DDX27: variants seen among roughly 807,000 people sequenced by gnomAD.
The protein encoded by DDX27 is probable ATP-dependent RNA helicase DDX27.
In DDX27, 42 loss-of-function variants were observed where a neutral mutation model predicts 99.3. That is an observed-to-expected ratio of 0.42 (90% confidence interval 0.33 to 0.55). DDX27 has a LOEUF of 0.55. Ranked by LOEUF, DDX27 falls within the 20% of genes least tolerant of loss-of-function variation. The pLI, the probability that DDX27 is intolerant of heterozygous loss-of-function variation, is 0.07. For synonymous variants in DDX27, 329 were observed against 353.8 expected, an observed-to-expected ratio of 0.93 and a Z score of 0.79; for missense variants, 798 against 976.8, an observed-to-expected ratio of 0.82 and a Z score of 2.44.
At chr20:49,241,821 G>T in intron 16 of DDX27, 72 bp from the exon 17 acceptor site, 1 of 1,502,346 alleles carries the variant, frequency 6.7e-7, no homozygotes. Flanking sequence ...AATTGAAAAC[G>T]TGCACTTCTT....
chr20:49,243,794 C>G (rs766214164), intron 20 of DDX27, 22 bp from the exon 21 acceptor site: 13 of 1,614,016 alleles, frequency 8.1e-6, no homozygotes, highest in Admixed American at 3.3e-5. Flanking sequence ...TCATTCTGGT[C>G]TTAACTCTGA....
intron 4 of DDX27, among the ~76,000 whole-genome samples, chr20:49,224,197 C>T (rs1031353570): frequency 3.9e-5 from 6 of 152,054 alleles, no homozygotes; most frequent in Non-Finnish European, 8.8e-5. Context: ...TTTAGGTTTT[C>T]TTTTCTCTTG....
intron 7 of DDX27, among the ~76,000 whole-genome samples, chr20:49,226,857 CTT>C (rs36048579): frequency 2.8e-4 from 18 of 63,460 alleles, no homozygotes; most frequent in South Asian, 6.5e-4. Flanking sequence ...GAGTAAAGGA[CTT>C]TTTTTTTTTT....
intron 7 of DDX27, among the ~76,000 whole-genome samples, chr20:49,228,092 G>A (rs1189142418): frequency 6.6e-6 from 1 of 150,624 alleles, no homozygotes; most frequent in African/African-American, 2.4e-5. Context: ...ACCTGCCTCA[G>A]CCTCCCAAAG....
intron 4 of DDX27, among the ~76,000 whole-genome samples, chr20:49,223,723 A>C (rs1979777062): frequency 6.6e-6 from 1 of 151,984 alleles, no homozygotes; most frequent in Non-Finnish European, 1.5e-5. Context: ...TCTACTGAAA[A>C]TACAAAAATA....
intron 4 of DDX27, among the ~76,000 whole-genome samples, chr20:49,224,060 A>G (rs111571937): frequency 6.0e-5 from 9 of 149,834 alleles, no homozygotes; most frequent in African/African-American, 2.0e-4. Flanking sequence ...TTTTTTTTGT[A>G]GGGACGGGGT....
rs1355790349 is a variant in DDX27, at chr20:49,222,996, C to A, written c.280C>A (p.Arg94=). ...TTLDEKIEKV[R]KKRKTEDKEA... ...ATTAGATGAGAAGATTGAGAAAGTT[C>A]GAAAGAAAAGGAAAACAGAGGTGAG... The change falls in exon 3 of 21, where the codon CGA becomes AGA. Residue 94 remains arginine (R), a synonymous_variant. Coordinates refer to ENST00000618172, the MANE Select transcript of DDX27 (RefSeq NM_017895.8). The A allele has an allele frequency of 2.5e-6, 4 of 1,612,724 alleles. No individual in the cohort carries two copies. The highest frequency in any genetic ancestry group is 2.5e-6 in the Non-Finnish European group (3 of 1,179,480).
chr20:49,243,928 A>T lies in DDX27; in HGVS notation c.*94A>T, dbSNP rs528816213. ...TGGTCTGTCTTTTCTCCATTTGTTT[A>T]AAAAAAAAACAAAAACAAAAAACAA... is the stretch of plus-strand genomic sequence containing the variant. On this transcript the variant is annotated 3_prime_UTR_variant, in exon 21 of 21. Coordinates refer to ENST00000618172, the MANE Select transcript of DDX27 (RefSeq NM_017895.8). 426 of 1,300,582 alleles carry T rather than the reference A, an allele frequency of 3.3e-4. 10 individuals carry two copies. The South Asian group carries it at 5.1e-3, about 16-fold the overall frequency. 80.6% of individuals were successfully genotyped at this position (1,300,582 alleles called of 1,614,324 possible). A position where few individuals can be genotyped will look rare whatever the true frequency, so the allele number is the denominator to read the frequency against.
At chr20:49,226,208 T>G (rs1979880458) in intron 6 of DDX27, among the ~76,000 whole-genome samples, 1 of 152,226 alleles carries the variant, frequency 6.6e-6, no homozygotes. Flanking sequence ...TCTACCAGAC[T>G]GTAAGATTCC....
intron 8 of DDX27, 106 bp from the exon 9 acceptor site, chr20:49,230,093 G>C (rs1379896935): frequency 7.7e-7 from 1 of 1,300,840 alleles, no homozygotes; most frequent in African/African-American, 1.5e-5. Flanking sequence ...TACTCTCTCA[G>C]TGGTTTTCTC....
intron 16 of DDX27, among the ~76,000 whole-genome samples, chr20:49,240,242 ATG>A (rs1980434945): frequency 6.6e-6 from 1 of 152,180 alleles, no homozygotes; most frequent in African/African-American, 2.4e-5. Flanking sequence ...TTTGTTTTAT[ATG>A]TGTATATATA....
intron 9 of DDX27, chr20:49,230,980 G>A (rs1009343602): frequency 6.6e-6 from 1 of 152,392 alleles, no homozygotes; most frequent in Non-Finnish European, 1.5e-5. Flanking sequence ...CCTTCCAGCT[G>A]TTCTGAATTC....
chr20:49,236,597 G>T lies in DDX27; in HGVS notation c.1687+87G>T. On this transcript the variant is annotated intron_variant, in intron 14 of 20. Transcript: ENST00000618172. The surrounding 1 kb of genome is among the most constrained non-coding windows in gnomAD (Gnocchi z 4.1). The stretch of plus-strand genomic sequence containing the variant: ...AATGGCTGAGAGCAGGTACTTTGCA[G>T]TTCAGAGCCAGATTTGAATTCCAGC... 1 of 1,321,436 alleles carries T rather than the reference G, an allele frequency of 7.6e-7. No homozygotes were observed. The allele number at this position is 1,321,436 out of a possible 1,614,324, so 81.9% of individuals were successfully genotyped here. A position where few individuals can be genotyped will look rare whatever the true frequency, so the allele number is the denominator to read the frequency against.
In DDX27 at chr20:49,235,029, G is replaced by C; in HGVS notation, c.1368G>C (p.Gly456=). ...TGCACATCCTCCTGGGGCTCATGGG[G>C]CTGCAGGTGGGTGAGCTCCATGGCA... is the stretch of plus-strand genomic sequence containing the variant. ...HRMHILLGLM[G]LQVGELHGNL... is the part of the protein sequence containing the mutation. Residue 456 remains glycine (G), a synonymous_variant, in exon 12 of 21, where the codon GGG becomes GGC. Coordinates refer to ENST00000618172, the MANE Select transcript of DDX27 (RefSeq NM_017895.8). The C allele has an allele frequency of 6.2e-7, 1 of 1,613,462 alleles. No individual in the cohort carries two copies.
intron 4 of DDX27, among the ~76,000 whole-genome samples, chr20:49,224,347 A>G (rs1338697454): frequency 6.8e-6 from 1 of 148,016 alleles, no homozygotes; most frequent in African/African-American, 2.5e-5. Context: ...GTGGGTGCTC[A>G]ATAAGTATTT....
Position 49,242,575 on chromosome 20 carries a change from C to T in DDX27, c.2117-19C>T. The T allele has an allele frequency of 6.2e-7, 1 of 1,611,134 alleles. No individual in the cohort carries two copies. The highest frequency in any genetic ancestry group is 8.5e-7 in the Non-Finnish European group (1 of 1,178,146). ...TGGGCCAAAGACAACCATATGTAAC[C>T]CATTCTCTCTGTGCACAGCCAAGAA... is the stretch of plus-strand genomic sequence containing the variant. On this transcript the variant is annotated intron_variant, in intron 18 of 20. Coordinates refer to ENST00000618172, the MANE Select transcript of DDX27 (RefSeq NM_017895.8).
rs375795377 is a variant in DDX27, at chr20:49,225,217, A to G, written c.600+18A>G. 8.1e-6 allele frequency: 13 copies of G among 1,605,762 alleles called. No individual in the cohort carries two copies. The highest frequency in any genetic ancestry group is 1.1e-5 in the Non-Finnish European group (13 of 1,172,628). ...TTCTGAAGGTAGCAGCTTCTTGTCA[A>G]AAATTTTCTTTGTAGAAGCATGGTC... On this transcript the variant is annotated intron_variant, in intron 6 of 20. Coordinates refer to ENST00000618172, the MANE Select transcript of DDX27 (RefSeq NM_017895.8).
chr20:49,220,010 G>T (rs770255302), intron 1 of DDX27, among the ~76,000 whole-genome samples: 3 of 152,120 alleles, frequency 2.0e-5, no homozygotes, highest in African/African-American at 4.8e-5. Flanking sequence ...TGGTGGTGTG[G>T]GGGCTTGCAG....
chr20:49,239,185 G>T (rs369562701), intron 15 of DDX27, 51 bp from the exon 16 acceptor site: 1 of 1,581,148 alleles, frequency 6.3e-7, no homozygotes, highest in African/African-American at 1.3e-5. Flanking sequence ...GTGGCTTCCT[G>T]TGTTAGTAGA....
Sources: allele counts gnomAD v4.1 joint callset (sites outside exome capture counted in the v4.1 genomes callset), GRCh38; gene constraint gnomAD v4.1.1; non-coding constraint Gnocchi (gnomAD v3.1); transcripts MANE v1.5; gene names NCBI Gene and HGNC (gene_info 2026-07-23, HGNC 2026-07-21).